CA10: variants seen among roughly 807,000 people sequenced by gnomAD.
CA10 encodes the protein carbonic anhydrase-related protein 10.
Under a neutral mutation model 44.2 loss-of-function variants are expected in CA10, and 14 were observed. The ratio of observed to expected loss-of-function variants is 0.32; its 90% CI spans 0.21 to 0.50. The LOEUF is 0.50. Among genes scored for constraint, CA10 ranks in the 20% least tolerant of loss-of-function variants. The pLI, the probability that CA10 is intolerant of heterozygous loss-of-function variation, is 0.99. For synonymous variants in CA10, 159 were observed against 141.6 expected, an observed-to-expected ratio of 1.12 and a Z score of -0.87; for missense variants, 350 against 409.7, an observed-to-expected ratio of 0.85 and a Z score of 1.26.
At chr17:51,884,761 G>T (rs917501215) in intron 3 of CA10, among the ~76,000 whole-genome samples, 2 of 152,148 alleles carry the variant, frequency 1.3e-5, no homozygotes, top group Non-Finnish European at 2.9e-5. Context: ...CAAGGTGCTG[G>T]CATGGTTGGT....
intron 3 of CA10, among the ~76,000 whole-genome samples, chr17:51,875,934 CCTTGA>C (rs1339490122): frequency 3.9e-5 from 6 of 152,144 alleles, no homozygotes; most frequent in Non-Finnish European, 7.4e-5. Flanking sequence ...GAGTCAGTTT[CCTTGA>C]CTTAGCACAA....
chr17:51,929,931 A>T (rs1267803295), intron 3 of CA10, among the ~76,000 whole-genome samples: 2 of 152,186 alleles, frequency 1.3e-5, no homozygotes, highest in African/African-American at 4.8e-5. Context: ...ACCACATGCA[A>T]TGTCTTTTAA....
At chr17:51,815,210 G>T (rs1907518874) in intron 3 of CA10, among the ~76,000 whole-genome samples, 1 of 152,114 alleles carries the variant, frequency 6.6e-6, no homozygotes, top group Admixed American at 6.6e-5. Context: ...CAGGGATGAT[G>T]ATGAATGCCC....
chr17:51,717,650 T>TGTATATATGCAC (rs1916168819), intron 4 of CA10, among the ~76,000 whole-genome samples: 1 of 27,332 alleles, frequency 3.7e-5, no homozygotes, highest in Non-Finnish European at 8.3e-5. Context: ...TATATATACA[T>TGTATATATGCAC]ATATACGTAT....
At chr17:51,938,582 C>T (rs1423449547) in intron 2 of CA10, among the ~76,000 whole-genome samples, 2 of 152,056 alleles carry the variant, frequency 1.3e-5, no homozygotes, top group African/African-American at 4.8e-5. Flanking sequence ...TTTTTAACTC[C>T]AAAGAAAAAT....
chr17:51,742,303 C>G (rs959558048), intron 4 of CA10, among the ~76,000 whole-genome samples: 8 of 152,170 alleles, frequency 5.3e-5, no homozygotes. Context: ...CATTTCCTCT[C>G]AATCTCCAAT....
At chr17:51,905,673 T>C (rs149925431) in intron 3 of CA10, among the ~76,000 whole-genome samples, 1 of 152,068 alleles carries the variant, frequency 6.6e-6, no homozygotes, top group East Asian at 1.9e-4. Flanking sequence ...TGAATCTGGA[T>C]AAAGATATAC....
At chr17:51,886,475 T>G (rs555872055) in intron 3 of CA10, among the ~76,000 whole-genome samples, 1 of 152,192 alleles carries the variant, frequency 6.6e-6, no homozygotes, top group African/African-American at 2.4e-5. Flanking sequence ...TGTACTAGAA[T>G]TTGCACTGGC....
chr17:51,931,389 G>A (rs902094257), intron 2 of CA10, among the ~76,000 whole-genome samples: 3 of 152,096 alleles, frequency 2.0e-5, no homozygotes, highest in East Asian at 1.9e-4. Flanking sequence ...TTTGTTGACT[G>A]CAGTCATCAT....
At chr17:51,640,403 G>T (rs1170644206) in intron 6 of CA10, among the ~76,000 whole-genome samples, 1 of 152,126 alleles carries the variant, frequency 6.6e-6, no homozygotes, top group East Asian at 1.9e-4. Flanking sequence ...ACATCAGGGT[G>T]AGATTGCCTG....
intron 3 of CA10, among the ~76,000 whole-genome samples, chr17:51,904,735 A>G (rs879729103): frequency 1.3e-4 from 20 of 152,004 alleles, no homozygotes; most frequent in Non-Finnish European, 2.2e-4. Flanking sequence ...AAGCCCCTTT[A>G]CCTCTATTAT....
chr17:52,002,290 A>G lies in CA10; in HGVS notation c.136+70029T>C, dbSNP rs527307302. Reference sequence around the variant, plus strand: ...TTCTTGGTTGGCCCACTGCAGAGGTAAGGTGTGTGAGAAAGACAAGCAGTG... The same window carrying G: ...TTCTTGGTTGGCCCACTGCAGAGGTGAGGTGTGTGAGAAAGACAAGCAGTG... On this transcript the variant is annotated intron_variant, in intron 2 of 8. Transcript: ENST00000451037. Among the ~76,000 whole-genome samples the G allele has an allele frequency of 2.6e-5, 4 of 152,098 alleles. No individual in the cohort carries two copies. The South Asian group carries it at 8.3e-4, about 32-fold the overall frequency.
At chr17:51,743,406 A>T (rs1904540697) in intron 4 of CA10, among the ~76,000 whole-genome samples, 1 of 152,210 alleles carries the variant, frequency 6.6e-6, no homozygotes, top group Non-Finnish European at 1.5e-5. Context: ...CTTATTAAAA[A>T]CAGTTCATTT....
At chr17:51,739,172 T>C (rs1428578994) in intron 4 of CA10, among the ~76,000 whole-genome samples, 2 of 152,066 alleles carry the variant, frequency 1.3e-5, no homozygotes. Context: ...CGAATATAGG[T>C]CATTCTTATT....
At chr17:51,954,393 C>T (rs1051503208) in intron 2 of CA10, among the ~76,000 whole-genome samples, 2 of 152,184 alleles carry the variant, frequency 1.3e-5, no homozygotes, top group East Asian at 3.8e-4. Context: ...CTTGAGGCAT[C>T]CACTTCTTTG....
chr17:52,062,573 G>A (rs571499932), intron 2 of CA10, among the ~76,000 whole-genome samples: 13 of 152,290 alleles, frequency 8.5e-5, no homozygotes, highest in South Asian at 2.1e-4. Flanking sequence ...GAGTTACCCC[G>A]AAGCCACTTT....
At position 52,158,244 on chromosome 17, in the gene CA10, G is replaced by A. The variant is rs1244166725; in HGVS notation, c.-458C>T. 1.9e-5 allele frequency: 4 copies of A among 215,202 alleles called. No individual in the cohort carries two copies. Among genetic ancestry groups the A allele is most frequent in the African/African-American group, 9.3e-5 (4 of 42,848 alleles). 13.3% of individuals were successfully genotyped at this position (215,202 alleles called of 1,614,324 possible). The stretch of plus-strand genomic sequence containing the variant: ...CGCCGGGCTGCGCCGTGCAATTCCG[G>A]GCTCCCGGGAGCGCGTAGCTCGCTG... On this transcript the variant is annotated 5_prime_UTR_variant, in exon 1 of 9. Coordinates refer to ENST00000451037, the MANE Select transcript of CA10 (RefSeq NM_020178.5).
intron 1 of CA10, among the ~76,000 whole-genome samples, chr17:52,117,006 G>A (rs1988911952): frequency 6.6e-6 from 1 of 152,190 alleles, no homozygotes; most frequent in Admixed American, 6.5e-5. Flanking sequence ...GCTTGGCATG[G>A]CTAAAGTGAA....
intron 3 of CA10, among the ~76,000 whole-genome samples, chr17:51,870,403 A>T (rs141657912): frequency 2.0e-5 from 3 of 152,364 alleles, no homozygotes; most frequent in South Asian, 2.1e-4. Flanking sequence ...AGCTAATGTG[A>T]ACCTCCTATG....
Sources: gnomAD v4.1 joint callset for allele counts (sites outside exome capture counted in the v4.1 genomes callset) on GRCh38, gnomAD v4.1.1 for gene constraint, MANE v1.5 for transcripts, NCBI Gene and HGNC (gene_info 2026-07-23, HGNC 2026-07-21) for gene names.